Variants in AGBL1 observed in about 807,000 individuals in gnomAD.
The protein encoded by AGBL1 is cytosolic carboxypeptidase 4.
A neutral mutation model predicts 118.9 loss-of-function variants in AGBL1; 130 were observed. The observed-to-expected ratio is 1.09, with a 90% CI of 0.95 to 1.26. The LOEUF is 1.26. Ranked by LOEUF, AGBL1 falls within the 50% of genes most tolerant of loss-of-function variation. The probability of loss-of-function intolerance (pLI) is 0.00; values close to 1 mark genes in which losing one functional copy is unlikely to be tolerated. For missense variants in AGBL1, 1,584 were observed against 1,298.1 expected (o/e 1.22, Z -3.38); for synonymous variants, 555 against 478.9 (o/e 1.16, Z -2.08).
At chr15:86,621,486 T>G (rs945447492) in intron 21 of AGBL1, among the ~76,000 whole-genome samples, 2 of 152,222 alleles carry the variant, frequency 1.3e-5, no homozygotes, top group African/African-American at 4.8e-5. Flanking sequence ...CCTCGCCTTG[T>G]AGCTGCAACA....
intron 24 of AGBL1, chr15:86,988,336 C>T (rs2081304748): frequency 3.1e-6 from 1 of 324,586 alleles, no homozygotes; most frequent in East Asian, 5.8e-5. Context: ...TCAGTACTTA[C>T]TATCTGCCAG....
At chr15:86,181,405 C>T (rs1177296740) in intron 5 of AGBL1, among the ~76,000 whole-genome samples, 1 of 151,796 alleles carries the variant, frequency 6.6e-6, no homozygotes, top group East Asian at 1.9e-4. Context: ...TGAAAGATGC[C>T]AGATTAAAAA....
chr15:86,466,004 C>T (rs553817221), intron 18 of AGBL1, among the ~76,000 whole-genome samples: 101 of 152,210 alleles, frequency 6.6e-4, no homozygotes, highest in African/African-American at 2.1e-3. Flanking sequence ...CGGAACCTGC[C>T]GACATGTGAT....
At chr15:86,623,537 C>T (rs909749054) in intron 21 of AGBL1, among the ~76,000 whole-genome samples, 17 of 152,194 alleles carry the variant, frequency 1.1e-4, no homozygotes, top group Admixed American at 7.2e-4. Flanking sequence ...CCCAAACTGT[C>T]CTCCAACCAC....
At chr15:86,824,554 G>A (rs1331247775) in intron 22 of AGBL1, among the ~76,000 whole-genome samples, 1 of 6,714 alleles carries the variant, frequency 1.5e-4, no homozygotes, top group African/African-American at 8.9e-4. Context: ...CAAAATCCCA[G>A]GAAGTTTTTT....
At chr15:86,150,303 C>A (rs531706534) in intron 3 of AGBL1, among the ~76,000 whole-genome samples, 1 of 152,164 alleles carries the variant, frequency 6.6e-6, no homozygotes, top group South Asian at 2.1e-4. Context: ...GAGATAGAGA[C>A]ACAAAAAACC....
intron 22 of AGBL1, among the ~76,000 whole-genome samples, chr15:86,868,486 AC>A (rs1357259118): frequency 6.6e-6 from 1 of 152,240 alleles, no homozygotes; most frequent in Non-Finnish European, 1.5e-5. Flanking sequence ...AGAAATGTCC[AC>A]TTCCCCACAA....
At position 86,605,291 on chromosome 15, in the gene AGBL1, G is replaced by A. The variant is rs1410870548; in HGVS notation, c.2994+50754G>A. ...ACAAATGAGACATGGTAGGTTTTCT[G>A]TCCTGTTGGTGACTTTTTAAATAAA... On this transcript the variant is annotated intron_variant, in intron 21 of 22. Coordinates refer to ENST00000614907, the MANE Select transcript of AGBL1 (RefSeq NM_001386094.1). 3.3e-5 allele frequency among the ~76,000 whole-genome samples: 5 copies of A among 151,734 alleles called. No individual in the cohort carries two copies. The East Asian group carries it at 7.8e-4, about 24-fold the overall frequency.
At chr15:86,265,980 C>T (rs2079064468) in intron 11 of AGBL1, among the ~76,000 whole-genome samples, 1 of 152,172 alleles carries the variant, frequency 6.6e-6, no homozygotes, top group Non-Finnish European at 1.5e-5. Flanking sequence ...CCTCCCAAAC[C>T]TTGAAGATGC....
At chr15:87,018,526 A>G (rs186947392) in intron 24 of AGBL1, among the ~76,000 whole-genome samples, 1 of 152,186 alleles carries the variant, frequency 6.6e-6, no homozygotes, top group Non-Finnish European at 1.5e-5. Flanking sequence ...TCATAAGAAA[A>G]GGAGATATAA....
At chr15:87,022,299 G>A (rs1408390710) in intron 24 of AGBL1, among the ~76,000 whole-genome samples, 1 of 151,914 alleles carries the variant, frequency 6.6e-6, no homozygotes, top group Non-Finnish European at 1.5e-5. Context: ...ACCAGCAATG[G>A]ACCTAAACCA....
chr15:86,153,542 G>T (rs2077145828), intron 3 of AGBL1, among the ~76,000 whole-genome samples: 1 of 152,136 alleles, frequency 6.6e-6, no homozygotes, highest in Non-Finnish European at 1.5e-5. Flanking sequence ...ATAGCATTAG[G>T]AGAAATACCT....
rs10220789 is a variant in AGBL1 at position 86,180,992 on chromosome 15, G to A, written c.488+21966G>A. 3.7e-3 allele frequency among the ~76,000 whole-genome samples: 566 copies of A among 152,096 alleles called. 3 individuals carry two copies. The highest frequency in any genetic ancestry group is 0.013 in the African/African-American group (542 of 41,518). ...GATACTACTACTTACTTTTAGAATG[G>A]TTAGAAATTAAAAGACTGACCATCA... On this transcript the variant is annotated intron_variant, in intron 5 of 22. Transcript: ENST00000614907.
chr15:86,407,642 C>T (rs192924238), intron 18 of AGBL1, among the ~76,000 whole-genome samples: 161 of 152,168 alleles, frequency 1.1e-3, no homozygotes, highest in African/African-American at 2.8e-3. Context: ...TGAACTTGTG[C>T]GCATAACAAT....
chr15:86,506,185 C>T (rs376949270), intron 18 of AGBL1, among the ~76,000 whole-genome samples: 1 of 151,996 alleles, frequency 6.6e-6, no homozygotes, highest in South Asian at 2.1e-4. Context: ...TGTTCAGAAC[C>T]TCAAGGTTTG....
intron 1 of AGBL1, among the ~76,000 whole-genome samples, chr15:86,123,473 G>C (rs527942100): frequency 6.6e-6 from 1 of 152,242 alleles, no homozygotes; most frequent in South Asian, 2.1e-4. Flanking sequence ...CTCCTGACCT[G>C]AGGTGATCCG....
chr15:86,107,080 C>T (rs186355596), intron 1 of AGBL1, among the ~76,000 whole-genome samples: 39 of 152,268 alleles, frequency 2.6e-4, no homozygotes, highest in African/African-American at 9.2e-4. Flanking sequence ...ACAGAACATA[C>T]TGTGGGAAAC....
At chr15:86,135,039 G>T (rs1177276876) in intron 1 of AGBL1, among the ~76,000 whole-genome samples, 1 of 152,118 alleles carries the variant, frequency 6.6e-6, no homozygotes, top group Non-Finnish European at 1.5e-5. Context: ...TGGGGCGCTG[G>T]GGCCTTGCAC....
At chr15:86,216,316 A>C (rs2078188096) in intron 5 of AGBL1, among the ~76,000 whole-genome samples, 1 of 152,066 alleles carries the variant, frequency 6.6e-6, no homozygotes, top group Admixed American at 6.6e-5. Flanking sequence ...GAGGTAGCAG[A>C]ATATGTATCT....
Sources: allele counts gnomAD v4.1 joint callset (sites outside exome capture counted in the v4.1 genomes callset), GRCh38; gene constraint gnomAD v4.1.1; transcripts MANE v1.5; gene names NCBI Gene and HGNC (gene_info 2026-07-23, HGNC 2026-07-21).